Variants in PTPRJ observed in about 807,000 individuals in gnomAD.
The protein encoded by PTPRJ is receptor-type tyrosine-protein phosphatase eta.
PTPRJ carries 129 observed loss-of-function variants against 141.3 expected under a neutral mutation model. The ratio of observed to expected loss-of-function variants is 0.91; its 90% CI spans 0.79 to 1.06. The LOEUF (loss-of-function observed/expected upper bound fraction) is 1.06. PTPRJ is among the 50% of genes least tolerant of loss of function. The pLI, the probability that PTPRJ is intolerant of heterozygous loss-of-function variation, is 0.00. For missense variants in PTPRJ, 1,601 were observed against 1,679.7 expected (o/e 0.95, Z 0.82); for synonymous variants, 610 against 640.5 (o/e 0.95, Z 0.72).
intron 1 of PTPRJ, among the ~76,000 whole-genome samples, chr11:48,087,386 T>A (rs1390504195): frequency 1.3e-5 from 2 of 152,226 alleles, no homozygotes; most frequent in Admixed American, 6.5e-5. Flanking sequence ...TATTTCCTTT[T>A]GTGAGACAAA....
At chr11:48,042,576 T>C (rs997348624) in intron 1 of PTPRJ, among the ~76,000 whole-genome samples, 1 of 152,230 alleles carries the variant, frequency 6.6e-6, no homozygotes, top group African/African-American at 2.4e-5. Flanking sequence ...ATTGATGTTC[T>C]GCCAATGATT....
At chr11:48,088,800 C>G (rs2134295128) in intron 1 of PTPRJ, among the ~76,000 whole-genome samples, 1 of 152,252 alleles carries the variant, frequency 6.6e-6, no homozygotes, top group African/African-American at 2.4e-5. Flanking sequence ...GTCTCCTTCT[C>G]CCCCTCCTTG....
chr11:48,139,020 C>T (rs1385414448), intron 10 of PTPRJ, among the ~76,000 whole-genome samples: 4 of 152,222 alleles, frequency 2.6e-5, no homozygotes, highest in Middle Eastern at 3.4e-3. Context: ...GTAGTCCCAG[C>T]GACTTGGGAG....
chr11:48,095,477 G>A (rs1450409505), intron 1 of PTPRJ, among the ~76,000 whole-genome samples: 1 of 152,106 alleles, frequency 6.6e-6, no homozygotes, highest in East Asian at 1.9e-4. Flanking sequence ...AGAAGGGTAG[G>A]AGGAGAGGGA....
intron 1 of PTPRJ, among the ~76,000 whole-genome samples, chr11:48,073,993 T>C (rs1855333992): frequency 6.6e-6 from 1 of 152,208 alleles, no homozygotes. Flanking sequence ...CATATTTCTA[T>C]TTTTGAGACA....
intron 3 of PTPRJ, among the ~76,000 whole-genome samples, chr11:48,115,439 C>T (rs1590520377): frequency 6.6e-6 from 1 of 152,148 alleles, no homozygotes; most frequent in Non-Finnish European, 1.5e-5. Context: ...ACCAAGATTG[C>T]TATACCCAGC....
In PTPRJ at chr11:47,985,270, C is replaced by T. The variant is rs545264529; in HGVS notation, c.96+4262C>T. The stretch of plus-strand genomic sequence containing the variant: ...TCAAGGGCTCCTCTCGTTTTAGCCT[C>T]TCAAGTATCTGGGACTAAAGGCGTG... On this transcript the variant is annotated intron_variant, in intron 1 of 24. Coordinates refer to ENST00000418331, the MANE Select transcript of PTPRJ (RefSeq NM_002843.4). 1.4e-4 allele frequency among the ~76,000 whole-genome samples: 22 copies of T among 152,218 alleles called. 1 individual carries two copies. In the South Asian group the frequency reaches 4.4e-3, roughly 30 times the overall value.
intron 1 of PTPRJ, among the ~76,000 whole-genome samples, chr11:48,033,640 A>T: frequency 6.6e-6 from 1 of 152,232 alleles, no homozygotes; most frequent in Admixed American, 6.5e-5. Flanking sequence ...GAAATCCCTC[A>T]GAATGATGAG....
In PTPRJ at chr11:48,146,895, T is replaced by G. The variant is rs1857363279; in HGVS notation, c.2931T>G (p.Val977=). 3 of 1,614,106 alleles carry G rather than the reference T, an allele frequency of 1.9e-6. No homozygotes were observed. The highest frequency in any genetic ancestry group is 2.5e-6 in the Non-Finnish European group (3 of 1,180,010). Residue 977 remains valine, a synonymous_variant, in exon 15 of 25, where the codon GTT becomes GTG. Coordinates refer to ENST00000418331, the MANE Select transcript of PTPRJ (RefSeq NM_002843.4). ...TCTCAGGTGTCATCTGTGGAGCGGT[T>G]TTTGGCTGTATCTTTGGTGCCCTGG... The part of the protein sequence containing the change: ...PQDPGVICGA[V]FGCIFGALVI...
intron 1 of PTPRJ, among the ~76,000 whole-genome samples, chr11:48,031,352 C>T (rs1853977898): frequency 6.6e-6 from 1 of 152,140 alleles, no homozygotes; most frequent in Non-Finnish European, 1.5e-5. Flanking sequence ...AGTAAAGTCT[C>T]TTGGCTCTCT....
At chr11:48,007,158 T>G (rs1590398721) in intron 1 of PTPRJ, among the ~76,000 whole-genome samples, 1 of 152,108 alleles carries the variant, frequency 6.6e-6, no homozygotes, top group South Asian at 2.1e-4. Context: ...TGGAGTGCAG[T>G]GGCGCAATCT....
intron 1 of PTPRJ, among the ~76,000 whole-genome samples, chr11:48,106,069 C>T (rs1856280970): frequency 6.6e-6 from 1 of 152,148 alleles, no homozygotes. Flanking sequence ...GCTAATACCG[C>T]ATGTTTCAGA....
intron 2 of PTPRJ, among the ~76,000 whole-genome samples, chr11:48,111,345 C>T (rs1361652092): frequency 4.3e-5 from 1 of 23,070 alleles, no homozygotes; most frequent in African/African-American, 1.7e-4. Flanking sequence ...AAAAATGTAC[C>T]TTTTAGGAAA....
intron 14 of PTPRJ, 106 bp downstream of exon 14, chr11:48,145,230 G>A (rs2134369967): frequency 6.7e-7 from 1 of 1,484,312 alleles, no homozygotes; most frequent in East Asian, 2.3e-5. Context: ...CAGGAGGGTT[G>A]GTGTGCCCAG....
chr11:48,153,706 G>A (rs915884917), intron 18 of PTPRJ, 90 bp from the exon 19 acceptor site: 21 of 824,770 alleles, frequency 2.5e-5, no homozygotes, highest in Non-Finnish European at 3.9e-5. Flanking sequence ...CTATGGGACT[G>A]TTGGGCTGGT....
intron 1 of PTPRJ, among the ~76,000 whole-genome samples, chr11:48,056,042 T>C (rs898980805): frequency 6.6e-6 from 1 of 152,148 alleles, no homozygotes; most frequent in Non-Finnish European, 1.5e-5. Context: ...GTTTTCAGGT[T>C]GTGGTGCGTG....
intron 1 of PTPRJ, among the ~76,000 whole-genome samples, chr11:48,053,793 T>G (rs1197143433): frequency 6.6e-6 from 1 of 150,714 alleles, no homozygotes; most frequent in African/African-American, 2.4e-5. Flanking sequence ...GCCAGGCTGG[T>G]GTCGAACTCC....
intron 1 of PTPRJ, among the ~76,000 whole-genome samples, chr11:47,992,817 A>G (rs1452321138): frequency 6.6e-6 from 1 of 151,906 alleles, no homozygotes; most frequent in Non-Finnish European, 1.5e-5. Flanking sequence ...GCTGGTGAGT[A>G]TTGTCCATTT....
In PTPRJ at chr11:48,001,782, A is replaced by G. The variant is rs560701228; in HGVS notation, c.96+20774A>G. On this transcript the variant is annotated intron_variant, in intron 1 of 24. Coordinates refer to ENST00000418331, the MANE Select transcript of PTPRJ (RefSeq NM_002843.4). ...CAGTTGAGAGTCAGAGTTCAAGCCT[A>G]GGCTGCTTGCTGCCAGAGTCAGAGT... Among the ~76,000 whole-genome samples, 7 of 152,334 alleles carry G rather than the reference A, an allele frequency of 4.6e-5. No individual in the cohort carries two copies. The South Asian group carries it at 1.4e-3, about 32-fold the overall frequency.
Sources: gnomAD v4.1 joint callset for allele counts (sites outside exome capture counted in the v4.1 genomes callset) on GRCh38, gnomAD v4.1.1 for gene constraint, MANE v1.5 for transcripts, NCBI Gene and HGNC (gene_info 2026-07-23, HGNC 2026-07-21) for gene names.